KDM2A: variants seen among roughly 807,000 people sequenced by gnomAD.
KDM2A encodes lysine demethylase 2A.
A neutral mutation model predicts 137.3 loss-of-function variants in KDM2A; 3 were observed. The ratio of observed to expected loss-of-function variants is 0.02; its 90% confidence interval spans 0.01 to 0.06. The LOEUF (loss-of-function observed/expected upper bound fraction) is 0.06, where lower values mean the gene tolerates loss of function less well. Among genes scored for constraint, KDM2A ranks in the 10% least tolerant of loss-of-function variants. The pLI, the probability that KDM2A is intolerant of heterozygous loss-of-function variation, is 1.00. For synonymous variants in KDM2A, 512 were observed against 541.5 expected, an observed-to-expected ratio of 0.95 and a Z score of 0.76; for missense variants, 738 against 1,510.6, an observed-to-expected ratio of 0.49 and a Z score of 8.48.
intron 10 of KDM2A, among the ~76,000 whole-genome samples, chr11:67,227,052 G>C (rs2136417921): frequency 6.6e-6 from 1 of 152,302 alleles, no homozygotes; most frequent in South Asian, 2.1e-4. Flanking sequence ...TTCCTGGACT[G>C]TGATATATCT....
intron 2 of KDM2A, among the ~76,000 whole-genome samples, chr11:67,179,527 G>T (rs1180767218): frequency 1.3e-5 from 2 of 152,184 alleles, no homozygotes; most frequent in Non-Finnish European, 2.9e-5. Flanking sequence ...TGATCCGCCT[G>T]CCTCTGCTTC....
chr11:67,226,676 C>A (rs969170873), intron 10 of KDM2A, among the ~76,000 whole-genome samples: 1 of 152,252 alleles, frequency 6.6e-6, no homozygotes, highest in East Asian at 1.9e-4. Flanking sequence ...GAGCCGAGAT[C>A]GCGCCACTGC....
intron 5 of KDM2A, among the ~76,000 whole-genome samples, chr11:67,198,291 T>G (rs1857530112): frequency 6.6e-6 from 1 of 152,080 alleles, no homozygotes; most frequent in Non-Finnish European, 1.5e-5. Flanking sequence ...GCGCACCTCA[T>G]TTTATTGCAC....
chr11:67,121,280 T>A lies in KDM2A; in HGVS notation c.-37T>A, dbSNP rs1565366128. On this transcript the variant is annotated 5_prime_UTR_variant, in exon 2 of 21. Coordinates refer to ENST00000529006, the MANE Select transcript of KDM2A (RefSeq NM_012308.3). ...GAGGAAGAGGAAGGCAGCCCTGGAGTGGTTTCTTTACAGTAATTTCAACAG... is the reference window on the plus strand; with the variant it reads ...GAGGAAGAGGAAGGCAGCCCTGGAGAGGTTTCTTTACAGTAATTTCAACAG... The A allele has an allele frequency of 6.3e-7, 1 of 1,587,356 alleles. No homozygotes were observed.
chr11:67,186,507 A>G (rs994609027), intron 5 of KDM2A, among the ~76,000 whole-genome samples: 3 of 152,248 alleles, frequency 2.0e-5, no homozygotes, highest in African/African-American at 7.2e-5. Context: ...AGAAATGCTC[A>G]GGAGAGTCTG....
At position 67,227,986 on chromosome 11, in the gene KDM2A, A is replaced by G; in HGVS notation, c.958-51A>G. On this transcript the variant is annotated intron_variant, in intron 10 of 20. Transcript: ENST00000529006. ...TGATTACAGTAATTCCATTTGTTGT[A>G]CTCTCTTTCCTTGAAAATCGTCATC... 3.2e-6 allele frequency: 5 copies of G among 1,558,306 alleles called. No homozygotes were observed. The South Asian group carries it at 5.6e-5, about 17-fold the overall frequency.
Position 67,254,389 on chromosome 11 carries a change from G to A in KDM2A, c.3278G>A (p.Arg1093His). 3.1e-6 allele frequency: 5 copies of A among 1,613,934 alleles called. No individual in the cohort carries two copies. Among genetic ancestry groups the A allele is most frequent in the Non-Finnish European group, 3.4e-6 (4 of 1,179,870 alleles). ...CTCACTGCTGTCGGGTCTTCCACTC[G>A]CTACTCTCTCACAGAGCTCAATATG... is the stretch of plus-strand genomic sequence containing the variant. ...NLLTAVGSST[R>H]YSLTELNMAG... Residue 1093 changes from arginine to histidine, a missense_variant, in exon 20 of 21, where the codon CGC becomes CAC. Physicochemically the swap from Arg to His is conservative, Grantham distance 29. Coordinates refer to ENST00000529006, the MANE Select transcript of KDM2A (RefSeq NM_012308.3). The surrounding 1 kb of genome is among the most constrained non-coding windows in gnomAD (Gnocchi z 4.7).
At chr11:67,187,438 T>C (rs902732616) in intron 5 of KDM2A, among the ~76,000 whole-genome samples, 2 of 151,980 alleles carry the variant, frequency 1.3e-5, no homozygotes, top group African/African-American at 4.8e-5. Context: ...CAGAAATAGA[T>C]TGAAAGTGAA....
chr11:67,184,965 C>T (rs540327127), intron 5 of KDM2A, among the ~76,000 whole-genome samples: 3 of 151,738 alleles, frequency 2.0e-5, no homozygotes, highest in African/African-American at 2.4e-5. Flanking sequence ...ATAAGGCATA[C>T]GAAGAAAAAG....
At chr11:67,217,990 AAAC>A (rs1843742016) in intron 9 of KDM2A, 106 bp downstream of exon 9, 1 of 999,428 alleles carries the variant, frequency 1.0e-6, no homozygotes, top group Non-Finnish European at 1.4e-6. Flanking sequence ...CGTCTGCAGA[AAAC>A]AACAGTGTTT....
At chr11:67,169,380 CT>C (rs1169905276) in intron 2 of KDM2A, among the ~76,000 whole-genome samples, 199 of 132,574 alleles carry the variant, frequency 1.5e-3, no homozygotes, top group Admixed American at 2.0e-3. Flanking sequence ...CTTTCTTTTT[CT>C]TTTTTTTTTT....
In KDM2A at chr11:67,255,307, C is replaced by T. The variant is rs1007378666; in HGVS notation, c.*252C>T. 2.6e-5 allele frequency: 14 copies of T among 532,532 alleles called. No individual in the cohort carries two copies. Among genetic ancestry groups the T allele is most frequent in the Non-Finnish European group, 4.8e-5 (14 of 291,384 alleles). 33.0% of individuals were successfully genotyped at this position (532,532 alleles called of 1,614,324 possible). A position where few individuals can be genotyped will look rare whatever the true frequency, so the allele number is the denominator to read the frequency against. ...GAGGGGAAAGCACAGGCTGTGCTGTCGAGGCGCCTGCTCGCTTACTCGCCT... is the reference window on the plus strand; with the variant it reads ...GAGGGGAAAGCACAGGCTGTGCTGTTGAGGCGCCTGCTCGCTTACTCGCCT... On this transcript the variant is annotated 3_prime_UTR_variant, in exon 21 of 21. Coordinates refer to ENST00000529006, the MANE Select transcript of KDM2A (RefSeq NM_012308.3).
rs550290991 is a variant in KDM2A at position 67,197,792 on chromosome 11, A to G, written c.308-9718A>G. On this transcript the variant is annotated intron_variant, in intron 5 of 20. Coordinates refer to ENST00000529006, the MANE Select transcript of KDM2A (RefSeq NM_012308.3). Reference sequence around the variant, plus strand: ...TGAAGTGCTTAGAACAGTGTCTGGCATATACAGTTGACCCTTGAACAATGC... The same window carrying G: ...TGAAGTGCTTAGAACAGTGTCTGGCGTATACAGTTGACCCTTGAACAATGC... Among the ~76,000 whole-genome samples the G allele has an allele frequency of 2.7e-3, 409 of 152,320 alleles. 2 individuals are homozygous for G. Among genetic ancestry groups the G allele is most frequent in the Non-Finnish European group, 5.0e-3 (343 of 68,032 alleles).
chr11:67,163,751 G>A (rs1488068220), intron 2 of KDM2A, among the ~76,000 whole-genome samples: 1 of 151,924 alleles, frequency 6.6e-6, no homozygotes, highest in Non-Finnish European at 1.5e-5. Context: ...AGCTACTCGG[G>A]AGGTTGCAGC....
Position 67,250,194 on chromosome 11 carries a change from A to C in KDM2A, c.2164A>C (p.Met722Leu). 6.2e-7 allele frequency: 1 copy of C among 1,613,844 alleles called. No homozygotes were observed. Among genetic ancestry groups the C allele is most frequent in the Non-Finnish European group, 8.5e-7 (1 of 1,179,856 alleles). The change falls in exon 17 of 21, where the codon ATG becomes CTG. Residue 722 changes from methionine to leucine, a missense_variant. Coordinates refer to ENST00000529006, the MANE Select transcript of KDM2A (RefSeq NM_012308.3). The surrounding 1 kb of genome is among the most constrained non-coding windows in gnomAD (Gnocchi z 7.1). ...LTPPPHSPTS[M>L]LQLIHDPVSP... ...GCCCCCGCCTCATTCACCCACTTCC[A>C]TGCTGCAGCTCATCCATGACCCGGT...
intron 2 of KDM2A, among the ~76,000 whole-genome samples, chr11:67,154,827 T>C (rs956584868): frequency 2.6e-5 from 4 of 152,212 alleles, no homozygotes; most frequent in Non-Finnish European, 4.4e-5. Context: ...GGTTCATCTG[T>C]GTTTTGGCAT....
chr11:67,136,124 G>C (rs1262951125), intron 2 of KDM2A, among the ~76,000 whole-genome samples: 1 of 152,160 alleles, frequency 6.6e-6, no homozygotes, highest in Non-Finnish European at 1.5e-5. Context: ...CAATCTCATG[G>C]ATAATAGCAC....
chr11:67,158,744 T>C (rs1016193990), intron 2 of KDM2A, among the ~76,000 whole-genome samples: 4 of 152,168 alleles, frequency 2.6e-5, no homozygotes, highest in African/African-American at 9.7e-5. Context: ...CTACCTTACA[T>C]GCCCAAAGTG....
intron 15 of KDM2A, among the ~76,000 whole-genome samples, chr11:67,247,077 T>TATATATATAA (rs1198408004): frequency 9.6e-5 from 7 of 72,790 alleles, no homozygotes; most frequent in South Asian, 5.2e-4. Context: ...ATATATTTTT[T>TATATATATAA]TTTTTTTTTT....
Sources: gnomAD v4.1 joint callset for allele counts (sites outside exome capture counted in the v4.1 genomes callset) on GRCh38, gnomAD v4.1.1 for gene constraint, Gnocchi (gnomAD v3.1) non-coding constraint, MANE v1.5 for transcripts, NCBI Gene and HGNC (gene_info 2026-07-23, HGNC 2026-07-21) for gene names.